LGSN: variants seen among roughly 807,000 people sequenced by gnomAD.
LGSN encodes lengsin, lens protein with glutamine synthetase domain.
A neutral mutation model predicts 19.5 loss-of-function variants in LGSN; 21 were observed. That is an observed-to-expected ratio of 1.07 (90% CI 0.76 to 1.55). The LOEUF is 1.55. Ranked by LOEUF, LGSN falls within the 40% of genes most tolerant of loss-of-function variation. The pLI, the probability that LGSN is intolerant of heterozygous loss-of-function variation, is 0.00. For synonymous variants in LGSN, 257 were observed against 215.6 expected (o/e 1.19, Z -1.68); for missense variants, 673 against 608.5 (o/e 1.11, Z -1.12).
chr6:63,412,958 GAGAAA>G, the LGSN span, among the ~76,000 whole-genome samples: 7 of 151,590 alleles, frequency 4.6e-5, no homozygotes, highest in South Asian at 1.3e-3. Context: ...AGGAAAGAAA[GAGAAA>G]AGAAAAGAAA....
At chr6:63,432,315 A>G in the LGSN span, among the ~76,000 whole-genome samples, 2 of 152,158 alleles carry the variant, frequency 1.3e-5, no homozygotes, top group Admixed American at 1.3e-4. Flanking sequence ...GCAATTTCCA[A>G]TTTCCATGCC....
the LGSN span, among the ~76,000 whole-genome samples, chr6:63,382,329 T>C: frequency 6.6e-6 from 1 of 152,228 alleles, no homozygotes; most frequent in African/African-American, 2.4e-5. Flanking sequence ...GTACATTGAA[T>C]ATGTCTTTAT....
chr6:63,559,498 G>T, the LGSN span, among the ~76,000 whole-genome samples: 278 of 152,280 alleles, frequency 1.8e-3, no homozygotes, highest in Non-Finnish European at 2.7e-3. Flanking sequence ...TGTAATCCCA[G>T]CACTTTGGGA....
chr6:63,421,816 T>C, the LGSN span, among the ~76,000 whole-genome samples: 1 of 152,154 alleles, frequency 6.6e-6, no homozygotes. Context: ...CTTAGGGAAC[T>C]GTGAGACTAT....
At chr6:63,432,552 C>T in the LGSN span, among the ~76,000 whole-genome samples, 2 of 151,770 alleles carry the variant, frequency 1.3e-5, no homozygotes, top group Non-Finnish European at 2.9e-5. Context: ...ATTAGCCAGG[C>T]GTGGTGGTGG....
intron 3 of LGSN, 81 bp from the exon 4 acceptor site, chr6:63,281,301 G>T: frequency 6.0e-5 from 6 of 99,290 alleles, no homozygotes; most frequent in Non-Finnish European, 1.1e-4. Context: ...CCTTGCTAAT[G>T]AAAATATATA....
At chr6:63,346,783 C>A in the LGSN span, among the ~76,000 whole-genome samples, 1 of 151,976 alleles carries the variant, frequency 6.6e-6, no homozygotes, top group Non-Finnish European at 1.5e-5. Flanking sequence ...AGGCCTGGAA[C>A]TTTCGAGCTC....
chr6:63,390,033 G>A, the LGSN span, among the ~76,000 whole-genome samples: 47 of 147,030 alleles, frequency 3.2e-4, 1 homozygote, highest in East Asian at 4.7e-3. Flanking sequence ...TGTAGAAAAT[G>A]AAGAGAAAAG....
At chr6:63,498,882 C>G in the LGSN span, among the ~76,000 whole-genome samples, 3 of 151,934 alleles carry the variant, frequency 2.0e-5, no homozygotes, top group South Asian at 6.2e-4. Context: ...AAAGCAAACC[C>G]GATGGTGGAA....
the LGSN span, among the ~76,000 whole-genome samples, chr6:63,390,704 A>T: frequency 1.3e-5 from 2 of 151,450 alleles, no homozygotes; most frequent in East Asian, 4.0e-4. Context: ...AAAATACAAA[A>T]AAAAAGTAGC....
chr6:63,285,556 T>G (rs1416177426), intron 3 of LGSN, 31 bp downstream of exon 3: 2 of 1,556,678 alleles, frequency 1.3e-6, no homozygotes, highest in Middle Eastern at 1.7e-4. Flanking sequence ...GGTCATGAAA[T>G]TACATTTAGT....
intron 2 of LGSN, among the ~76,000 whole-genome samples, chr6:63,291,127 C>T (rs1008869405): frequency 1.3e-5 from 2 of 152,202 alleles, no homozygotes; most frequent in African/African-American, 4.8e-5. Flanking sequence ...GGCCACTGCA[C>T]TCAAACCACT....
At chr6:63,518,088 G>A in the LGSN span, among the ~76,000 whole-genome samples, 1 of 149,070 alleles carries the variant, frequency 6.7e-6, no homozygotes, top group Admixed American at 6.8e-5. Flanking sequence ...GGAGGCGGAG[G>A]TTGCTGTGAG....
At chr6:63,420,564 G>A in the LGSN span, among the ~76,000 whole-genome samples, 1 of 152,224 alleles carries the variant, frequency 6.6e-6, no homozygotes, top group African/African-American at 2.4e-5. Flanking sequence ...CAGTTTGGGA[G>A]GTATCATTAG....
At chr6:63,432,179 G>GGGAAAGAAAGAAAAGA in the LGSN span, among the ~76,000 whole-genome samples, 87 of 113,648 alleles carry the variant, frequency 7.7e-4, 1 homozygote, top group South Asian at 1.5e-3. Context: ...GAAAAGGAAA[G>GGGAAAGAAAGAAAAGA]AAAGAAAAGA....
rs142739503 is a variant in LGSN, at chr6:63,318,320, C to T, written c.30+1594G>A. On this transcript the variant is annotated intron_variant, in intron 1 of 3. Coordinates refer to ENST00000370657, the MANE Select transcript of LGSN (RefSeq NM_016571.3). Reference sequence around the variant, plus strand: ...GCTGTGTTTTGTAGTTAACTTCATGCTGCTCTTGCTCACATTACCAGAGCA... The same window carrying T: ...GCTGTGTTTTGTAGTTAACTTCATGTTGCTCTTGCTCACATTACCAGAGCA... Among the ~76,000 whole-genome samples, 835 of 152,290 alleles carry T rather than the reference C, an allele frequency of 5.5e-3. 1 individual carries two copies. Among genetic ancestry groups the T allele is most frequent in the Non-Finnish European group, 8.1e-3 (554 of 68,030 alleles).
the LGSN span, among the ~76,000 whole-genome samples, chr6:63,383,371 TACACAC>T: frequency 4.7e-4 from 66 of 139,290 alleles, no homozygotes; most frequent in African/African-American, 8.2e-4. Context: ...AACCATTACT[TACACAC>T]ACACACACAC....
chr6:63,334,827 C>T, the LGSN span, among the ~76,000 whole-genome samples: 1 of 151,996 alleles, frequency 6.6e-6, no homozygotes, highest in African/African-American at 2.4e-5. Flanking sequence ...GCCAGCTGAT[C>T]TTCAACAAAG....
the LGSN span, chr6:63,572,774 C>G: frequency 2.8e-5 from 11 of 398,416 alleles, no homozygotes; most frequent in Middle Eastern, 6.2e-4. Context: ...ACCGGCCCCC[C>G]ATCCCCGCTG....
Sources: allele counts gnomAD v4.1 joint callset (sites outside exome capture counted in the v4.1 genomes callset), GRCh38; gene constraint gnomAD v4.1.1; transcripts MANE v1.5; gene names NCBI Gene and HGNC (gene_info 2026-07-23, HGNC 2026-07-21).